The following B4GALNT3 variants were observed in gnomAD, a reference collection of about 807,000 sequenced individuals.
B4GALNT3 encodes beta-1,4-N-acetyl-galactosaminyltransferase 3.
In B4GALNT3, 86 loss-of-function variants were observed where a neutral mutation model predicts 120.2. The ratio of observed to expected loss-of-function variants is 0.72; its 90% CI spans 0.60 to 0.86. The LOEUF is 0.86. B4GALNT3 is among the 40% of genes least tolerant of loss of function. The pLI is 0.00. For missense variants in B4GALNT3, 1,167 were observed against 1,298.9 expected (o/e 0.90, Z 1.56); for synonymous variants, 518 against 510.4 (o/e 1.01, Z -0.20).
intron 1 of B4GALNT3, among the ~76,000 whole-genome samples, chr12:473,165 A>G (rs1485161738): frequency 1.3e-5 from 2 of 152,132 alleles, no homozygotes; most frequent in South Asian, 4.2e-4. Context: ...GATGGGCCTC[A>G]GTATGTTGTC....
chr12:480,187 T>C (rs1430872251), intron 1 of B4GALNT3, among the ~76,000 whole-genome samples: 3 of 146,356 alleles, frequency 2.0e-5, no homozygotes, highest in African/African-American at 7.6e-5. Flanking sequence ...AGTGCTGAGA[T>C]TACAGGCGTG....
In B4GALNT3 at chr12:550,708, G is replaced by A. The variant is rs930504006; in HGVS notation, c.998-214G>A. 6.6e-6 allele frequency among the ~76,000 whole-genome samples: 1 copy of A among 152,182 alleles called. No individual in the cohort carries two copies. The highest frequency in any genetic ancestry group is 2.4e-5 in the African/African-American group (1 of 41,440). ...AGATCAAACGGTGCCTTGTACCTGG[G>A]GCTGTGTGCTGAGTCCTCTGCTGCC... is the stretch of plus-strand genomic sequence containing the variant. On this transcript the variant is annotated intron_variant, in intron 10 of 19. Transcript: ENST00000266383. The surrounding 1 kb of genome is among the most constrained non-coding windows in gnomAD (Gnocchi z 4.1).
intron 13 of B4GALNT3, chr12:552,989 T>C (rs1947102458): frequency 1.5e-6 from 1 of 673,216 alleles, no homozygotes; most frequent in Non-Finnish European, 2.5e-6. Context: ...GATGCAGTAT[T>C]ATTCCCTTTA....
At chr12:495,441 C>T (rs1219321942) in intron 1 of B4GALNT3, among the ~76,000 whole-genome samples, 1 of 152,080 alleles carries the variant, frequency 6.6e-6, no homozygotes, top group Non-Finnish European at 1.5e-5. Context: ...CCAAACGTAC[C>T]GTAAGAAACA....
intron 6 of B4GALNT3, among the ~76,000 whole-genome samples, chr12:545,868 T>A (rs568758424): frequency 1.6e-3 from 3 of 1,874 alleles, no homozygotes; most frequent in Middle Eastern, 0.17. Context: ...AGTGGGGAGG[T>A]GAGAGGAGTG....
chr12:544,256 G>T, intron 3 of B4GALNT3, 83 bp from the exon 4 acceptor site: 1 of 1,333,824 alleles, frequency 7.5e-7, no homozygotes. Context: ...GCGGGCATGG[G>T]ATGCTCATCC....
At chr12:546,506 A>T in intron 6 of B4GALNT3, 140 bp from the exon 7 acceptor site, 1 of 769,366 alleles carries the variant, frequency 1.3e-6, no homozygotes, top group Admixed American at 2.2e-5. Flanking sequence ...TTTCTCTCCT[A>T]CCTCTCTCAC....
chr12:509,878 G>A (rs1411272461), intron 1 of B4GALNT3, among the ~76,000 whole-genome samples: 5 of 152,138 alleles, frequency 3.3e-5, no homozygotes, highest in African/African-American at 1.2e-4. Context: ...AAAGAGAGGA[G>A]GCCAGGACAT....
intron 1 of B4GALNT3, among the ~76,000 whole-genome samples, chr12:468,577 G>T (rs147402024): frequency 2.0e-5 from 3 of 152,036 alleles, no homozygotes; most frequent in African/African-American, 7.2e-5. Context: ...GGCCAGGAAG[G>T]CCAGAAACCT....
Position 546,706 on chromosome 12 carries a change from C to T in B4GALNT3, c.700C>T (p.Pro234Ser). 1.3e-6 allele frequency: 2 copies of T among 1,551,444 alleles called. No homozygotes were observed. The highest frequency in any genetic ancestry group is 1.7e-6 in the Non-Finnish European group (2 of 1,146,842). Residue 234 changes from proline to serine, a missense_variant, in exon 7 of 20, where the codon CCG becomes TCG. Pro to Ser is a moderately conservative substitution (Grantham distance 74). This residue lies in a region of B4GALNT3 where 983 missense variants were observed against 1,102.5 expected (regional missense o/e 0.89). Coordinates refer to ENST00000266383, the MANE Select transcript of B4GALNT3 (RefSeq NM_173593.4). ...FGKFRSQISKPVSLSASHRYY... is the reference protein window; with the variant it reads ...FGKFRSQISKSVSLSASHRYY... Reference sequence around the variant, plus strand: ...GAAATTTCGGAGCCAAATTTCCAAGCCGGTGAGGTGAGTGAGGGTCAGGAC... The same window carrying T: ...GAAATTTCGGAGCCAAATTTCCAAGTCGGTGAGGTGAGTGAGGGTCAGGAC...
chr12:471,395 TAAA>T (rs1193979473), intron 1 of B4GALNT3, among the ~76,000 whole-genome samples: 1 of 123,940 alleles, frequency 8.1e-6, no homozygotes, highest in African/African-American at 4.2e-5. Context: ...AATAAATAAA[TAAA>T]TAAATAAATA....
intron 1 of B4GALNT3, among the ~76,000 whole-genome samples, chr12:515,258 T>C (rs1946640920): frequency 6.6e-6 from 1 of 152,176 alleles, no homozygotes; most frequent in South Asian, 2.1e-4. Flanking sequence ...CAATCTTGGC[T>C]TACTGCAACC....
At chr12:483,759 A>G (rs1205896063) in intron 1 of B4GALNT3, among the ~76,000 whole-genome samples, 1 of 152,204 alleles carries the variant, frequency 6.6e-6, no homozygotes, top group African/African-American at 2.4e-5. Flanking sequence ...TAATCCTCAC[A>G]ACGGACACTT....
At chr12:522,086 G>C (rs959696057) in intron 1 of B4GALNT3, among the ~76,000 whole-genome samples, 3 of 151,926 alleles carry the variant, frequency 2.0e-5, no homozygotes, top group Admixed American at 2.0e-4. Context: ...TCAAACATGA[G>C]CTTTGCCACC....
chr12:469,931 C>T (rs1946119059), intron 1 of B4GALNT3, among the ~76,000 whole-genome samples: 1 of 152,168 alleles, frequency 6.6e-6, no homozygotes, highest in African/African-American at 2.4e-5. Context: ...AGATTACAGG[C>T]ATGAGCCACC....
intron 1 of B4GALNT3, among the ~76,000 whole-genome samples, chr12:493,989 G>T (rs886293739): frequency 2.0e-5 from 3 of 152,190 alleles, no homozygotes; most frequent in Non-Finnish European, 4.4e-5. Context: ...GGCCTGGTTG[G>T]CCAGGCACAG....
intron 1 of B4GALNT3, among the ~76,000 whole-genome samples, chr12:487,396 C>T (rs1191832293): frequency 6.6e-6 from 1 of 152,134 alleles, no homozygotes; most frequent in Middle Eastern, 3.2e-3. Context: ...AGACCATATT[C>T]AAACTAAGGA....
At chr12:506,183 G>A (rs1315106044) in intron 1 of B4GALNT3, among the ~76,000 whole-genome samples, 1 of 152,068 alleles carries the variant, frequency 6.6e-6, no homozygotes, top group Non-Finnish European at 1.5e-5. Context: ...GGATCTGCTA[G>A]CAACAGGAAA....
chr12:553,543 C>A lies in B4GALNT3; in HGVS notation c.1620C>A (p.Asn540Lys), dbSNP rs762498456. 1.2e-6 allele frequency: 2 copies of A among 1,613,976 alleles called. No individual in the cohort carries two copies. The highest frequency in any genetic ancestry group is 1.3e-5 in the African/African-American group (1 of 75,080). ...DKWPPGHPVKNLPQMRGPRPR... is the reference protein window; with the variant it reads ...DKWPPGHPVKKLPQMRGPRPR... ...GGCCTCCTGGGCACCCTGTGAAGAA[C>A]CTGCCTCAGATGAGGGGGCCCAGGC... The change falls in exon 14 of 20, where the codon AAC becomes AAA. Residue 540 changes from asparagine to lysine, a missense_variant. Physicochemically the swap from Asn to Lys is moderately conservative, Grantham distance 94. Around this residue, in one of 3 missense-constraint regions of B4GALNT3, gnomAD observed 983 missense variants for 1,102.5 expected, o/e 0.89. Transcript: ENST00000266383.
Sources: gnomAD v4.1 joint callset for allele counts (sites outside exome capture counted in the v4.1 genomes callset) on GRCh38, gnomAD v4.1.1 for gene constraint, gnomAD v4.1.1 regional missense constraint, Gnocchi (gnomAD v3.1) non-coding constraint, MANE v1.5 for transcripts, NCBI Gene and HGNC (gene_info 2026-07-23, HGNC 2026-07-21) for gene names.